The following CKAP5 variants were observed in gnomAD, a reference collection of about 807,000 sequenced individuals.
CKAP5 encodes the protein cytoskeleton-associated protein 5.
CKAP5 carries 27 observed loss-of-function variants against 232.8 expected under a neutral mutation model. That is an observed-to-expected ratio of 0.12 (90% CI 0.09 to 0.16). The LOEUF is 0.16. Among genes scored for constraint, CKAP5 ranks in the 10% least tolerant of loss-of-function variants. The pLI is 1.00. For synonymous variants in CKAP5, 785 were observed against 841.1 expected (o/e 0.93, Z 1.16); for missense variants, 1,838 against 2,424.7 (o/e 0.76, Z 5.08).
chr11:46,760,598 C>T lies in CKAP5; in HGVS notation c.4394+14G>A, dbSNP rs1565720906. 22 of 1,612,232 alleles carry T rather than the reference C, an allele frequency of 1.4e-5. No homozygotes were observed. Among genetic ancestry groups the T allele is most frequent in the South Asian group, 5.5e-5 (5 of 90,984 alleles). On this transcript the variant is annotated intron_variant, in intron 33 of 43. Transcript: ENST00000529230. ...CATGGAGATGCTCTCAGACAAGTAT[C>T]TCTATCTACATACTTGAGTTTGGAA...
chr11:46,762,088 C>T lies in CKAP5; in HGVS notation c.4133G>A (p.Arg1378His), dbSNP rs2065159914. Residue 1378 changes from arginine to histidine, a missense_variant, in exon 32 of 44, where the codon CGT becomes CAT. This residue lies in a region of CKAP5 where 579 missense variants were observed against 843.2 expected (regional missense o/e 0.69). Coordinates refer to ENST00000529230, the MANE Select transcript of CKAP5 (RefSeq NM_001008938.4). ...TGCAGCATTGCGTACAGCATTGTCA[C>T]GGTCTCCTATGTGAACAGCTATTTC... The part of the protein sequence containing the change: ...LKEIAVHIGD[R>H]DNAVRNAALN... 3 of 1,614,056 alleles carry T rather than the reference C, an allele frequency of 1.9e-6. No individual in the cohort carries two copies. Among genetic ancestry groups the T allele is most frequent in the Admixed American group, 1.7e-5 (1 of 60,002 alleles).
chr11:46,757,130 T>C lies in CKAP5; in HGVS notation c.4689+1793A>G, dbSNP rs78079253. ...CTCTGATGTTTCCCATGATTCAGGTTATGCAACATTAGAATTATCAGCAAA... is the reference window on the plus strand; with the variant it reads ...CTCTGATGTTTCCCATGATTCAGGTCATGCAACATTAGAATTATCAGCAAA... On this transcript the variant is annotated intron_variant, in intron 35 of 43. Transcript: ENST00000529230. Among the ~76,000 whole-genome samples, 1,659 of 152,198 alleles carry C rather than the reference T, an allele frequency of 0.011. 66 individuals carry two copies. In the South Asian group the frequency reaches 0.15, roughly 14 times the overall value.
chr11:46,770,951 G>C lies in CKAP5; in HGVS notation c.3023C>G (p.Thr1008Ser). ...AAGGTCTGTAGGGGTGGAACGAAGA[G>C]TAGGTAGTTTCTCAGCCAGCCAGCC... The part of the protein sequence containing the change: ...LLGWLAEKLP[T>S]LRSTPTDLIL... The change falls in exon 25 of 44, where the codon ACT (threonine) becomes AGT (serine). Residue 1008 changes from threonine (T) to serine (S), a missense_variant. By Grantham distance (58) the Thr-to-Ser change is moderately conservative. Transcript: ENST00000529230. The C allele has an allele frequency of 6.2e-7, 1 of 1,613,770 alleles. No individual in the cohort carries two copies. Among genetic ancestry groups the C allele is most frequent in the Non-Finnish European group, 8.5e-7 (1 of 1,179,756 alleles).
At chr11:46,803,153 AC>A (rs1939073589) in intron 8 of CKAP5, among the ~76,000 whole-genome samples, 1 of 151,888 alleles carries the variant, frequency 6.6e-6, no homozygotes, top group East Asian at 2.0e-4. Flanking sequence ...AGTCCCAGGT[AC>A]TCAGGAGGCT....
At chr11:46,771,189 GGACACAT>G (rs1232239418) in intron 24 of CKAP5, among the ~76,000 whole-genome samples, 1 of 152,110 alleles carries the variant, frequency 6.6e-6, no homozygotes, top group Non-Finnish European at 1.5e-5. Flanking sequence ...TTTAAGATAA[GGACACAT>G]TTCTTTGGAC....
chr11:46,792,634 C>T (rs1055000009), intron 13 of CKAP5, among the ~76,000 whole-genome samples: 2 of 152,138 alleles, frequency 1.3e-5, no homozygotes, highest in African/African-American at 4.8e-5. Context: ...TGATAGCTGG[C>T]TCAGTGGCTC....
chr11:46,789,924 A>G (rs1938671244), intron 15 of CKAP5, 152 bp downstream of exon 15: 5 of 537,140 alleles, frequency 9.3e-6, no homozygotes, highest in African/African-American at 1.9e-5. Flanking sequence ...ACACAGCTAC[A>G]AGAAATAAAA....
chr11:46,823,646 G>C (rs891992992), intron 1 of CKAP5, among the ~76,000 whole-genome samples: 1 of 151,932 alleles, frequency 6.6e-6, no homozygotes, highest in Non-Finnish European at 1.5e-5. Context: ...GGAGTGCAGT[G>C]GTGTGATCAC....
In CKAP5 at chr11:46,770,860, G is replaced by C. The variant is rs1238660070; in HGVS notation, c.3114C>G (p.Ala1038=). Residue 1038 remains alanine (A), a synonymous_variant, in exon 25 of 44, where the codon GCC becomes GCG. Transcript: ENST00000529230. ...TCATGAAGAATGGCAAGGCATCTTG[G>C]GCCTTCTTTCGCACATCTCCATTTC... ...EDRNGDVRKK[A]QDALPFFMMH... 3 of 1,613,958 alleles carry C rather than the reference G, an allele frequency of 1.9e-6. No individual in the cohort carries two copies. Among genetic ancestry groups the C allele is most frequent in the African/African-American group, 2.7e-5 (2 of 74,892 alleles).
intron 1 of CKAP5, among the ~76,000 whole-genome samples, chr11:46,835,782 G>A (rs1413376822): frequency 1.3e-5 from 2 of 152,132 alleles, no homozygotes; most frequent in Non-Finnish European, 2.9e-5. Context: ...ACCCACTTTG[G>A]GGGTGGGCTA....
chr11:46,823,285 T>C (rs753209857), intron 1 of CKAP5, among the ~76,000 whole-genome samples: 2 of 152,146 alleles, frequency 1.3e-5, no homozygotes, highest in Admixed American at 6.5e-5. Context: ...ATAAAAGTAA[T>C]GTGTGTAAAC....
chr11:46,770,296 G>T, intron 25 of CKAP5, 198 bp from the exon 26 acceptor site: 1 of 604,192 alleles, frequency 1.7e-6, no homozygotes, highest in South Asian at 2.1e-5. Context: ...CATTCTAGAA[G>T]GTCACAGTTT....
rs775578413 is a variant in CKAP5, at chr11:46,743,632, CAG to C, written c.*389_*390del. 5 of 208,782 alleles carry C rather than the reference CAG, an allele frequency of 2.4e-5. No homozygotes were observed. Among genetic ancestry groups the C allele is most frequent in the Non-Finnish European group, 4.9e-5 (5 of 101,686 alleles). The allele number at this position is 208,782 out of a possible 1,614,324, so 12.9% of individuals were successfully genotyped here. On this transcript the variant is annotated 3_prime_UTR_variant, in exon 44 of 44. Transcript: ENST00000529230. Reference sequence around the variant, plus strand: ...AGAATACAGTGACCCTTCAGGGCGACAGAGAAGAGCTCACAAACTGAAAGGAA... The same window carrying C: ...AGAATACAGTGACCCTTCAGGGCGACAGAAGAGCTCACAAACTGAAAGGAA...
chr11:46,786,841 C>T (rs1415596228), intron 16 of CKAP5, among the ~76,000 whole-genome samples: 1 of 152,106 alleles, frequency 6.6e-6, no homozygotes, highest in Middle Eastern at 3.2e-3. Flanking sequence ...ACACACCTTC[C>T]CCCTTGGCAG....
In CKAP5 at chr11:46,753,365, C is replaced by G. The variant is rs2065084656; in HGVS notation, c.5002G>C (p.Val1668Leu). 1.9e-6 allele frequency: 3 copies of G among 1,613,866 alleles called. No individual in the cohort carries two copies. Among genetic ancestry groups the G allele is most frequent in the Non-Finnish European group, 2.5e-6 (3 of 1,179,940 alleles). Reference protein sequence around the residue: ...LEEGQQVIRSVNLLVVKVLEK... With the variant: ...LEEGQQVIRSLNLLVVKVLEK... Reference sequence around the variant, plus strand: ...AGAACCTTCACCACCAAGAGGTTCACAGAGCGGATGACCTGTTGTCCTTCC... The same window carrying G: ...AGAACCTTCACCACCAAGAGGTTCAGAGAGCGGATGACCTGTTGTCCTTCC... The change falls in exon 37 of 44, where the codon GTG becomes CTG. Residue 1668 changes from valine to leucine, a missense_variant. Transcript: ENST00000529230.
intron 20 of CKAP5, among the ~76,000 whole-genome samples, chr11:46,779,089 CAAACAAACAAAACAACCCAAAAACA>C (rs1251058889): frequency 9.2e-5 from 14 of 152,064 alleles, no homozygotes; most frequent in Admixed American, 9.2e-4. Context: ...TCAAAACAAA[CAAACAAACAAAACAACCCAAAAACA>C]AAACAAACAA....
At chr11:46,799,604 A>T (rs906416232) in intron 9 of CKAP5, among the ~76,000 whole-genome samples, 1 of 152,236 alleles carries the variant, frequency 6.6e-6, no homozygotes, top group African/African-American at 2.4e-5. Context: ...CTACAGAGCA[A>T]TAGAGACATT....
chr11:46,815,379 T>G (rs1442488081), intron 4 of CKAP5, among the ~76,000 whole-genome samples: 1 of 152,180 alleles, frequency 6.6e-6, no homozygotes, highest in Non-Finnish European at 1.5e-5. Context: ...AGACAGGGTC[T>G]TGCTCTCTCA....
chr11:46,825,060 T>C (rs1939622030), intron 1 of CKAP5, among the ~76,000 whole-genome samples: 1 of 152,232 alleles, frequency 6.6e-6, no homozygotes, highest in South Asian at 2.1e-4. Context: ...TCTAAAAATG[T>C]CTTCCTAAGA....
Sources: allele counts gnomAD v4.1 joint callset (sites outside exome capture counted in the v4.1 genomes callset), GRCh38; gene constraint gnomAD v4.1.1; regional missense constraint gnomAD v4.1.1; transcripts MANE v1.5; gene names NCBI Gene and HGNC (gene_info 2026-07-23, HGNC 2026-07-21).